The following DCBLD2 variants were observed in gnomAD, a reference collection of about 807,000 sequenced individuals.
DCBLD2 encodes the protein discoidin, CUB and LCCL domain containing 2, also known as discoidin, CUB and LCCL domain-containing protein 2.
Under a neutral mutation model 86.8 loss-of-function variants are expected in DCBLD2, and 54 were observed. The ratio of observed to expected loss-of-function variants is 0.62; its 90% CI spans 0.50 to 0.78. The LOEUF (loss-of-function observed/expected upper bound fraction) is 0.78, where lower values mean the gene tolerates loss of function less well. Ranked by LOEUF, DCBLD2 falls within the 30% of genes least tolerant of loss-of-function variation. The pLI, the probability that DCBLD2 is intolerant of heterozygous loss-of-function variation, is 0.00. For missense variants in DCBLD2, 908 were observed against 954.2 expected (o/e 0.95, Z 0.64); for synonymous variants, 354 against 341.3 (o/e 1.04, Z -0.41).
chr3:98,832,905 G>A (rs1430109846), intron 3 of DCBLD2, among the ~76,000 whole-genome samples: 1 of 152,140 alleles, frequency 6.6e-6, no homozygotes, highest in East Asian at 1.9e-4. Flanking sequence ...ATGATTATGT[G>A]TCTTGGGGAG....
chr3:98,811,404 A>AT (rs1941936481), intron 11 of DCBLD2, 64 bp downstream of exon 11: 5 of 1,612,300 alleles, frequency 3.1e-6, no homozygotes, highest in Non-Finnish European at 4.2e-6. Context: ...CTTTTAATAT[A>AT]TTTTTGGAAA....
At chr3:98,832,996 T>G (rs542860455) in intron 3 of DCBLD2, among the ~76,000 whole-genome samples, 2 of 152,334 alleles carry the variant, frequency 1.3e-5, no homozygotes, top group Non-Finnish European at 2.9e-5. Context: ...TGGGGAAATT[T>G]TCATAGATGA....
chr3:98,827,923 C>T (rs942594201), intron 3 of DCBLD2, among the ~76,000 whole-genome samples: 2 of 152,154 alleles, frequency 1.3e-5, no homozygotes, highest in African/African-American at 4.8e-5. Context: ...AATAAACCCT[C>T]AAATTTATAG....
At position 98,845,406 on chromosome 3, in the gene DCBLD2, C is replaced by T. The variant is rs375447628; in HGVS notation, c.571+4055G>A. Among the ~76,000 whole-genome samples, 5 of 152,122 alleles carry T rather than the reference C, an allele frequency of 3.3e-5. No individual in the cohort carries two copies. The East Asian group carries it at 5.8e-4, about 18-fold the overall frequency. On this transcript the variant is annotated intron_variant, in intron 3 of 15. Transcript: ENST00000326840. ...AATTCCACCAAGATAAACTCTAATTCATCGAAATGTTCCCTATAGAAGATA... is the reference window on the plus strand; with the variant it reads ...AATTCCACCAAGATAAACTCTAATTTATCGAAATGTTCCCTATAGAAGATA...
chr3:98,885,231 C>T (rs988274971), intron 1 of DCBLD2, among the ~76,000 whole-genome samples: 2 of 152,058 alleles, frequency 1.3e-5, no homozygotes, highest in Admixed American at 6.6e-5. Context: ...AGATGATATG[C>T]ACCAGAAACT....
intron 12 of DCBLD2, among the ~76,000 whole-genome samples, chr3:98,808,753 T>C (rs1941883988): frequency 1.3e-5 from 2 of 152,194 alleles, no homozygotes; most frequent in African/African-American, 4.8e-5. Context: ...TATTTTTTAA[T>C]GGAAATATAA....
At position 98,822,318 on chromosome 3, in the gene DCBLD2, G is replaced by T; in HGVS notation, c.740C>A (p.Ser247Ter). 1.2e-6 allele frequency: 2 copies of T among 1,613,970 alleles called. No homozygotes were observed. Among genetic ancestry groups the T allele is most frequent in the Non-Finnish European group, 8.5e-7 (1 of 1,179,888 alleles). The change falls in exon 6 of 16, where the codon TCA (serine) becomes TAA (stop). Residue 247 changes from serine (S) to a stop codon, truncating the protein, a stop_gained. Coordinates refer to ENST00000326840, the MANE Select transcript of DCBLD2 (RefSeq NM_080927.4). LOFTEE classifies it high-confidence loss of function. ...ACTGATTTGGCCGCCCAACGTGTTT[G>T]ACACTACTCCTGCATGCACACCAGC... ...CMAGVHAGVV[S>*]NTLGGQISVV...
At chr3:98,882,668 GGTGTT>G (rs1418655213) in intron 1 of DCBLD2, among the ~76,000 whole-genome samples, 1 of 152,126 alleles carries the variant, frequency 6.6e-6, no homozygotes, top group East Asian at 1.9e-4. Flanking sequence ...GAGAACATGT[GGTGTT>G]TGGTTTTCTG....
At chr3:98,898,559 A>G (rs1173551253) in intron 1 of DCBLD2, among the ~76,000 whole-genome samples, 2 of 152,158 alleles carry the variant, frequency 1.3e-5, no homozygotes, top group East Asian at 3.8e-4. Context: ...ACAACTGTCA[A>G]CAGTTTATTT....
At chr3:98,884,642 G>C (rs1943528279) in intron 1 of DCBLD2, among the ~76,000 whole-genome samples, 1 of 152,018 alleles carries the variant, frequency 6.6e-6, no homozygotes, top group Non-Finnish European at 1.5e-5. Flanking sequence ...CCTTACTACT[G>C]AAAAGATGAA....
chr3:98,845,110 A>G (rs1942695325), intron 3 of DCBLD2, among the ~76,000 whole-genome samples: 1 of 152,196 alleles, frequency 6.6e-6, no homozygotes, highest in Admixed American at 6.5e-5. Context: ...AGGAAATGGG[A>G]ACTTTTCCTT....
rs1941927271 is a variant in DCBLD2 at position 98,810,931 on chromosome 3, G to T, written c.1576+263C>A. On this transcript the variant is annotated intron_variant, in intron 12 of 15. Coordinates refer to ENST00000326840, the MANE Select transcript of DCBLD2 (RefSeq NM_080927.4). ...AGCCTGAGAGTCAACATGTTTAGCT[G>T]TAAGGAACAATAAATCACAAGAGGA... Among the ~76,000 whole-genome samples, 3 of 152,106 alleles carry T rather than the reference G, an allele frequency of 2.0e-5. No individual in the cohort carries two copies. In the South Asian group the frequency reaches 6.2e-4, roughly 32 times the overall value.
At chr3:98,886,931 C>A (rs1943574656) in intron 1 of DCBLD2, among the ~76,000 whole-genome samples, 1 of 151,228 alleles carries the variant, frequency 6.6e-6, no homozygotes. Flanking sequence ...TAATTAAACT[C>A]CAAATCAAGT....
Position 98,822,704 on chromosome 3 carries a change from C to T in DCBLD2, c.661G>A (p.Glu221Lys), listed in dbSNP as rs1296000206. 2 of 1,597,826 alleles carry T rather than the reference C, an allele frequency of 1.3e-6. No homozygotes were observed. Among genetic ancestry groups the T allele is most frequent in the Non-Finnish European group, 1.7e-6 (2 of 1,171,650 alleles). Residue 221 changes from glutamate (E) to lysine (K), a missense_variant, in exon 5 of 16, where the codon GAG (glutamate) becomes AAG (lysine). By Grantham distance (56) the Glu-to-Lys change is moderately conservative. This residue lies in a region of DCBLD2 where 8 missense variants were observed against 19.8 expected (regional missense o/e 0.40). Coordinates refer to ENST00000326840, the MANE Select transcript of DCBLD2 (RefSeq NM_080927.4). ...CCATGAGGAATTGTTCCAGATATCT[C>T]AGCAAAAGGAAGCAGACAACCAGCT... Reference protein sequence around the residue: ...CPAGCLLPFAEISGTIPHGYR... With the variant: ...CPAGCLLPFAKISGTIPHGYR...
At position 98,849,506 on chromosome 3, in the gene DCBLD2, A is replaced by C; in HGVS notation, c.526T>G (p.Ser176Ala). Residue 176 changes from serine (S) to alanine (A), a missense_variant, in exon 3 of 16, where the codon TCT (serine) becomes GCT (alanine). Ser to Ala is a moderately conservative substitution (Grantham distance 99). Coordinates refer to ENST00000326840, the MANE Select transcript of DCBLD2 (RefSeq NM_080927.4). The part of the protein sequence containing the change: ...TLLFMSGIHV[S>A]GRGFLASYSV... ...TATGAGGCCAAAAATCCGCGTCCAG[A>C]AACATGGATTCCACTCATGAACAGC... 6.2e-7 allele frequency: 1 copy of C among 1,613,968 alleles called. No individual in the cohort carries two copies. The highest frequency in any genetic ancestry group is 2.2e-5 in the East Asian group (1 of 44,868).
chr3:98,822,633 T>C, intron 5 of DCBLD2, 36 bp downstream of exon 5: 3 of 1,525,962 alleles, frequency 2.0e-6, no homozygotes, highest in East Asian at 2.4e-5. Context: ...AATAGAGTTA[T>C]ATCACAATTT....
rs1449140021 is a variant in DCBLD2 at position 98,799,443 on chromosome 3, G to T, written c.2257C>A (p.Pro753Thr). 6.2e-7 allele frequency: 1 copy of T among 1,613,828 alleles called. No individual in the cohort carries two copies. Among genetic ancestry groups the T allele is most frequent in the Non-Finnish European group, 8.5e-7 (1 of 1,179,886 alleles). Residue 753 changes from proline (P) to threonine (T), a missense_variant, in exon 16 of 16, where the codon CCA becomes ACA. Around this residue, in one of 3 missense-constraint regions of DCBLD2, gnomAD observed 606 missense variants for 678.5 expected, o/e 0.89. Coordinates refer to ENST00000326840, the MANE Select transcript of DCBLD2 (RefSeq NM_080927.4). ...CCTGATACTTCTTGTGTGCTCTGTG[G>T]CACCTGGTACACCAATTCGTCTGGG... ...PAPDELVYQV[P>T]QSTQEVSGAG...
At chr3:98,872,800 C>A (rs1425021214) in intron 2 of DCBLD2, among the ~76,000 whole-genome samples, 1 of 151,416 alleles carries the variant, frequency 6.6e-6, no homozygotes, top group Non-Finnish European at 1.5e-5. Context: ...GGACAGAAAA[C>A]AATGTAGAAA....
At chr3:98,843,228 T>C (rs1027304883) in intron 3 of DCBLD2, among the ~76,000 whole-genome samples, 1 of 152,150 alleles carries the variant, frequency 6.6e-6, no homozygotes, top group Non-Finnish European at 1.5e-5. Flanking sequence ...ACATACTCAT[T>C]TGTATGGAAA....
Sources: allele counts gnomAD v4.1 joint callset (sites outside exome capture counted in the v4.1 genomes callset), GRCh38; gene constraint gnomAD v4.1.1; regional missense constraint gnomAD v4.1.1; transcripts MANE v1.5; gene names NCBI Gene and HGNC (gene_info 2026-07-23, HGNC 2026-07-21).